Variants in JAM2 observed in about 807,000 individuals in gnomAD.
The protein encoded by JAM2 is junctional adhesion molecule 2.
JAM2 carries 17 observed loss-of-function variants against 42.0 expected under a neutral mutation model. The observed-to-expected ratio is 0.40, with a 90% CI of 0.28 to 0.61. The LOEUF (loss-of-function observed/expected upper bound fraction) is 0.61. JAM2 is among the 20% of genes least tolerant of loss of function. JAM2 has a pLI of 0.37. For missense variants in JAM2, 319 were observed against 358.3 expected (o/e 0.89, Z 0.89); for synonymous variants, 118 against 128.6 (o/e 0.92, Z 0.56).
At chr21:25,640,926 G>A (rs897687492) in intron 1 of JAM2, among the ~76,000 whole-genome samples, 24 of 152,234 alleles carry the variant, frequency 1.6e-4, no homozygotes, top group Non-Finnish European at 2.9e-4. Context: ...CGGGACGAGT[G>A]TCTAATACCA....
intron 1 of JAM2, among the ~76,000 whole-genome samples, chr21:25,660,501 T>A (rs1166349652): frequency 1.3e-5 from 2 of 152,004 alleles, no homozygotes; most frequent in Non-Finnish European, 2.9e-5. Flanking sequence ...GGTTGCTATA[T>A]ATTTGCTGAG....
At chr21:25,713,601 A>C (rs1385860322) in intron 9 of JAM2, among the ~76,000 whole-genome samples, 2 of 152,164 alleles carry the variant, frequency 1.3e-5, no homozygotes, top group Non-Finnish European at 2.9e-5. Context: ...CAGTATTTTA[A>C]ATGCTTACCC....
At chr21:25,656,588 C>G (rs1306568692) in intron 1 of JAM2, among the ~76,000 whole-genome samples, 5 of 152,208 alleles carry the variant, frequency 3.3e-5, no homozygotes, top group Non-Finnish European at 1.5e-5. Context: ...CCTGTGTCAG[C>G]AGCATATGCA....
chr21:25,698,115 TA>T (rs1176500011), intron 4 of JAM2, among the ~76,000 whole-genome samples: 1 of 152,216 alleles, frequency 6.6e-6, no homozygotes, highest in African/African-American at 2.4e-5. Flanking sequence ...TAAGCTAAAG[TA>T]ATGCTTATTA....
chr21:25,705,340 C>A (rs550002216), intron 6 of JAM2, among the ~76,000 whole-genome samples: 25 of 152,300 alleles, frequency 1.6e-4, no homozygotes, highest in Non-Finnish European at 2.6e-4. Context: ...AAGTGATCCT[C>A]CAACCTCAGC....
chr21:25,701,573 T>C (rs779277492), intron 5 of JAM2, among the ~76,000 whole-genome samples: 5 of 152,236 alleles, frequency 3.3e-5, no homozygotes, highest in African/African-American at 4.8e-5. Context: ...TTTTGGTTGC[T>C]TTGACAGGGA....
At chr21:25,714,480 A>G in intron 9 of JAM2, 160 bp from the exon 10 acceptor site, 1 of 567,846 alleles carries the variant, frequency 1.8e-6, no homozygotes. Flanking sequence ...CCTGGGTAAC[A>G]GAGCAAGATT....
At chr21:25,706,176 T>C in intron 7 of JAM2, 90 bp downstream of exon 7, 1 of 642,626 alleles carries the variant, frequency 1.6e-6, no homozygotes. Context: ...AAGTTGTTTT[T>C]TTGTTTGTTT....
chr21:25,669,098 T>C (rs951150646), intron 1 of JAM2, among the ~76,000 whole-genome samples: 2 of 151,948 alleles, frequency 1.3e-5, no homozygotes, highest in Non-Finnish European at 2.9e-5. Flanking sequence ...GGAGGCCAGG[T>C]GTGGTGGCTT....
intron 2 of JAM2, among the ~76,000 whole-genome samples, chr21:25,687,195 A>T (rs2033769840): frequency 6.6e-6 from 1 of 152,226 alleles, no homozygotes; most frequent in Non-Finnish European, 1.5e-5. Context: ...GAAAACAATA[A>T]TGACCATTTA....
At chr21:25,668,210 C>T (rs569768742) in intron 1 of JAM2, among the ~76,000 whole-genome samples, 1 of 152,262 alleles carries the variant, frequency 6.6e-6, no homozygotes, top group East Asian at 1.9e-4. Context: ...ACCTTCTATG[C>T]CAATGAAAGA....
chr21:25,693,797 C>A lies in JAM2; in HGVS notation c.283C>A (p.Arg95=). Residue 95 remains arginine (R), a synonymous_variant, in exon 4 of 10, where the codon CGG becomes AGG. Transcript: ENST00000480456. ...AGCTGAGATGATAGATTTCAATATC[C>A]GGATCAAAAATGTGACAAGAAGTGA... The part of the protein sequence containing the change: ...NRAEMIDFNI[R]IKNVTRSDAG... 1 of 1,613,906 alleles carries A rather than the reference C, an allele frequency of 6.2e-7. No individual in the cohort carries two copies. The highest frequency in any genetic ancestry group is 8.5e-7 in the Non-Finnish European group (1 of 1,179,902).
chr21:25,706,960 A>G (rs191231467), intron 7 of JAM2, among the ~76,000 whole-genome samples: 14 of 151,990 alleles, frequency 9.2e-5, no homozygotes, highest in East Asian at 2.0e-4. Context: ...GGATGGTCTC[A>G]ATCTCCTGAC....
At chr21:25,711,883 T>C (rs2034390907) in intron 8 of JAM2, 2 of 212,866 alleles carry the variant, frequency 9.4e-6, no homozygotes, top group Non-Finnish European at 1.9e-5. Context: ...CCTAGACATA[T>C]GCCCTCACAT....
At chr21:25,640,433 C>T (rs2032400564) in intron 1 of JAM2, among the ~76,000 whole-genome samples, 1 of 152,220 alleles carries the variant, frequency 6.6e-6, no homozygotes, top group South Asian at 2.1e-4. Flanking sequence ...TTTATCCTCT[C>T]CACCTGCACA....
At chr21:25,704,971 A>G (rs937830908) in intron 6 of JAM2, among the ~76,000 whole-genome samples, 1 of 152,204 alleles carries the variant, frequency 6.6e-6, no homozygotes, top group African/African-American at 2.4e-5. Context: ...TGAGAAGAAG[A>G]AAAAAACTTC....
At chr21:25,685,519 T>G in intron 2 of JAM2, among the ~76,000 whole-genome samples, 1 of 68,590 alleles carries the variant, frequency 1.5e-5, no homozygotes, top group African/African-American at 6.4e-5. Flanking sequence ...AGAGAGAGAA[T>G]GTCTCAAAAA....
intron 4 of JAM2, among the ~76,000 whole-genome samples, chr21:25,694,532 A>G (rs1325572436): frequency 6.6e-6 from 1 of 152,192 alleles, no homozygotes; most frequent in African/African-American, 2.4e-5. Context: ...TTTAGTTTCT[A>G]TAAGAATCAT....
rs193299448 is a variant in JAM2 at position 25,666,605 on chromosome 21, C to G, written c.68-17278C>G. Among the ~76,000 whole-genome samples the G allele has an allele frequency of 3.3e-3, 508 of 152,314 alleles. 2 individuals carry two copies. Among genetic ancestry groups the G allele is most frequent in the Non-Finnish European group, 5.6e-3 (382 of 68,028 alleles). On this transcript the variant is annotated intron_variant, in intron 1 of 9. Transcript: ENST00000480456. ...AGGCTGGAATGCAGTGGCGAGATCA[C>G]AGCTCACTGCAGCCTTGACCTCTTG...
Sources: allele counts gnomAD v4.1 joint callset (sites outside exome capture counted in the v4.1 genomes callset), GRCh38; gene constraint gnomAD v4.1.1; transcripts MANE v1.5; gene names NCBI Gene and HGNC (gene_info 2026-07-23, HGNC 2026-07-21).